The following JARID2 variants were observed in gnomAD, a reference collection of about 807,000 sequenced individuals.
JARID2 encodes protein Jumonji.
In JARID2, 21 loss-of-function variants were observed where a neutral mutation model predicts 125.6. The observed-to-expected ratio is 0.17, with a 90% CI of 0.12 to 0.24. JARID2 has a LOEUF of 0.24. Ranked by LOEUF, JARID2 falls within the 10% of genes least tolerant of loss-of-function variation. The pLI, the probability that JARID2 is intolerant of heterozygous loss-of-function variation, is 1.00. For missense variants in JARID2, 1,303 were observed against 1,639.6 expected (o/e 0.79, Z 3.55); for synonymous variants, 736 against 661.6 (o/e 1.11, Z -1.73).
At chr6:15,383,920 G>A (rs932609928) in intron 2 of JARID2, among the ~76,000 whole-genome samples, 2 of 152,154 alleles carry the variant, frequency 1.3e-5, no homozygotes, top group Admixed American at 1.3e-4. Context: ...TCAGCCTCCT[G>A]AGTAGCTGGG....
At chr6:15,518,230 G>A (rs960528705) in intron 17 of JARID2, among the ~76,000 whole-genome samples, 8 of 152,190 alleles carry the variant, frequency 5.3e-5, no homozygotes, top group Non-Finnish European at 1.2e-4. Context: ...TGCAGGCGGC[G>A]GCACGGGGAG....
chr6:15,517,368 G>T (rs558442816), intron 17 of JARID2, 100 bp downstream of exon 17: 3 of 806,350 alleles, frequency 3.7e-6, no homozygotes, highest in African/African-American at 3.4e-5. Flanking sequence ...TGTGCCTGGC[G>T]GGTAGTCAGG....
chr6:15,271,465 A>G (rs7453429), intron 1 of JARID2, among the ~76,000 whole-genome samples: 29,372 of 152,184 alleles, frequency 0.19, 3,188 homozygotes, highest in South Asian at 0.34. Flanking sequence ...ATCGAAGGGT[A>G]GGGTTCCCAA....
intron 1 of JARID2, among the ~76,000 whole-genome samples, chr6:15,336,942 AG>A (rs1762898809): frequency 6.6e-6 from 1 of 152,152 alleles, no homozygotes; most frequent in East Asian, 1.9e-4. Context: ...ACTTATTTTT[AG>A]TATTCAGAGT....
chr6:15,433,525 T>C (rs904836786), intron 3 of JARID2, among the ~76,000 whole-genome samples: 1 of 151,914 alleles, frequency 6.6e-6, no homozygotes, highest in African/African-American at 2.4e-5. Context: ...TGAAAGTCTT[T>C]TCCTGATGTA....
intron 16 of JARID2, among the ~76,000 whole-genome samples, chr6:15,513,710 G>A (rs536971768): frequency 3.9e-5 from 6 of 152,330 alleles, no homozygotes; most frequent in Non-Finnish European, 8.8e-5. Context: ...CTCCCTCTCC[G>A]CCCTACTTTG....
intron 3 of JARID2, among the ~76,000 whole-genome samples, chr6:15,421,950 T>C (rs1766507696): frequency 6.6e-6 from 1 of 152,184 alleles, no homozygotes; most frequent in Admixed American, 6.5e-5. Context: ...TAGTAAATAA[T>C]CTCTTCTGCC....
Position 15,464,640 on chromosome 6 carries a change from T to G in JARID2, c.494-3902T>G, listed in dbSNP as rs191336716. On this transcript the variant is annotated intron_variant, in intron 4 of 17. Coordinates refer to ENST00000341776, the MANE Select transcript of JARID2 (RefSeq NM_004973.4). ...GAACTAAGGGTACTCTGGTGGTGGT[T>G]AACTGACCTCCTCCCCTGGAGTTCA... Among the ~76,000 whole-genome samples, 145 of 152,292 alleles carry G rather than the reference T, an allele frequency of 9.5e-4. 2 individuals carry two copies. The highest frequency in any genetic ancestry group is 3.3e-3 in the African/African-American group (138 of 41,582).
At position 15,404,667 on chromosome 6, in the gene JARID2, G is replaced by A. The variant is rs555267380; in HGVS notation, c.182-5557G>A. Among the ~76,000 whole-genome samples the A allele has an allele frequency of 2.0e-5, 3 of 152,150 alleles. No individual in the cohort carries two copies. The East Asian group carries it at 5.8e-4, about 29-fold the overall frequency. On this transcript the variant is annotated intron_variant, in intron 2 of 17. Transcript: ENST00000341776. Reference sequence around the variant, plus strand: ...GTCTCACAGTGACAGGGTGACAGACGGCATTGGCTCTATAATACAGAATTA... The same window carrying A: ...GTCTCACAGTGACAGGGTGACAGACAGCATTGGCTCTATAATACAGAATTA...
At chr6:15,273,569 C>T (rs922251663) in intron 1 of JARID2, among the ~76,000 whole-genome samples, 9 of 152,152 alleles carry the variant, frequency 5.9e-5, no homozygotes, top group East Asian at 1.9e-4. Flanking sequence ...GGCATGGTGG[C>T]GCATGCCTGT....
At chr6:15,270,030 T>A (rs990223744) in intron 1 of JARID2, among the ~76,000 whole-genome samples, 1 of 152,240 alleles carries the variant, frequency 6.6e-6, no homozygotes, top group Non-Finnish European at 1.5e-5. Flanking sequence ...AAAGGGAACA[T>A]ACTCATTTCT....
At chr6:15,469,918 C>T (rs1289676209) in intron 5 of JARID2, among the ~76,000 whole-genome samples, 1 of 152,052 alleles carries the variant, frequency 6.6e-6, no homozygotes, top group Non-Finnish European at 1.5e-5. Context: ...GTGGCTCACA[C>T]CTGTAATCCC....
At position 15,270,242 on chromosome 6, in the gene JARID2, C is replaced by T. The variant is rs1760244819; in HGVS notation, c.45+23658C>T. Among the ~76,000 whole-genome samples the T allele has an allele frequency of 2.6e-5, 4 of 152,192 alleles. No homozygotes were observed. The South Asian group carries it at 8.3e-4, about 31-fold the overall frequency. ...CCACCTCCTGGGTTCACGCGATTCT[C>T]CTGCCTCAGCCTCCGGAGTAGCTGG... On this transcript the variant is annotated intron_variant, in intron 1 of 17. Coordinates refer to ENST00000341776, the MANE Select transcript of JARID2 (RefSeq NM_004973.4).
rs562896795 is a variant in JARID2 at position 15,415,914 on chromosome 6, G to A, written c.323+5549G>A. On this transcript the variant is annotated intron_variant, in intron 3 of 17. Transcript: ENST00000341776. ...GGATGGGGTGGTGCCAGGCAGAGACGCTCCTCACTTCCCAGACGGGGTGGC... is the reference window on the plus strand; with the variant it reads ...GGATGGGGTGGTGCCAGGCAGAGACACTCCTCACTTCCCAGACGGGGTGGC... 3.3e-5 allele frequency among the ~76,000 whole-genome samples: 5 copies of A among 151,550 alleles called. No individual in the cohort carries two copies. In the South Asian group the frequency reaches 1.0e-3, roughly 32 times the overall value.
intron 16 of JARID2, 84 bp downstream of exon 16, chr6:15,513,506 G>C: frequency 7.6e-7 from 1 of 1,323,944 alleles, no homozygotes; most frequent in Non-Finnish European, 1.0e-6. Flanking sequence ...GAGGGAGGGC[G>C]CTCTCTGCCC....
intron 5 of JARID2, among the ~76,000 whole-genome samples, chr6:15,473,511 C>T (rs6459407): frequency 0.77 from 48,004 of 62,624 alleles, 18,868 homozygotes; most frequent in East Asian, 0.93. Context: ...TTCTGATGTG[C>T]GTGCCCCCCC....
chr6:15,511,432 G>GCGGT, intron 13 of JARID2, 31 bp downstream of exon 13: 1 of 1,426,664 alleles, frequency 7.0e-7, no homozygotes, highest in Non-Finnish European at 9.9e-7. Context: ...CCTCCAGCAG[G>GCGGT]AGCTGTAGGA....
chr6:15,370,447 C>T (rs1764124368), intron 1 of JARID2, among the ~76,000 whole-genome samples: 1 of 151,570 alleles, frequency 6.6e-6, no homozygotes, highest in African/African-American at 2.4e-5. Flanking sequence ...ATGCCATTCT[C>T]CTGCCTCAGC....
chr6:15,356,402 A>T (rs1763601472), intron 1 of JARID2, among the ~76,000 whole-genome samples: 1 of 152,090 alleles, frequency 6.6e-6, no homozygotes, highest in African/African-American at 2.4e-5. Flanking sequence ...CTTCATCTTC[A>T]CCAACGTCTG....
Sources: allele counts gnomAD v4.1 joint callset (sites outside exome capture counted in the v4.1 genomes callset), GRCh38; gene constraint gnomAD v4.1.1; transcripts MANE v1.5; gene names NCBI Gene and HGNC (gene_info 2026-07-23, HGNC 2026-07-21).